Variants in MYO3B observed in about 807,000 individuals in gnomAD.
The protein encoded by MYO3B is myosin-IIIb.
Under a neutral mutation model 174.6 loss-of-function variants are expected in MYO3B, and 156 were observed. That is an observed-to-expected ratio of 0.89 (90% CI 0.78 to 1.02). The LOEUF is 1.02. Ranked by LOEUF, MYO3B falls within the 50% of genes least tolerant of loss-of-function variation. The probability of loss-of-function intolerance (pLI) is 0.00; values close to 1 mark genes in which losing one functional copy is unlikely to be tolerated. For missense variants in MYO3B, 1,632 were observed against 1,639.4 expected (o/e 1.00, Z 0.08); for synonymous variants, 563 against 569.1 (o/e 0.99, Z 0.15).
intron 32 of MYO3B, among the ~76,000 whole-genome samples, chr2:170,588,710 C>A (rs1183425737): frequency 1.3e-5 from 2 of 152,208 alleles, no homozygotes; most frequent in Non-Finnish European, 2.9e-5. Flanking sequence ...GTTATAGCAG[C>A]TTTTAAGGTC....
chr2:170,235,021 T>C (rs531739836), intron 6 of MYO3B, among the ~76,000 whole-genome samples: 6 of 152,294 alleles, frequency 3.9e-5, no homozygotes, highest in African/African-American at 1.4e-4. Context: ...TCTCATTTCA[T>C]TTGGAATGAA....
chr2:170,552,424 G>A (rs1363201350), intron 32 of MYO3B, among the ~76,000 whole-genome samples: 1 of 152,166 alleles, frequency 6.6e-6, no homozygotes, highest in Non-Finnish European at 1.5e-5. Flanking sequence ...AAAGAGACTG[G>A]TGGCATTGTG....
intron 25 of MYO3B, among the ~76,000 whole-genome samples, chr2:170,485,646 T>C (rs1434495828): frequency 6.6e-6 from 1 of 152,198 alleles, no homozygotes; most frequent in Non-Finnish European, 1.5e-5. Context: ...CTAAGATTAT[T>C]TCCAGTTGTT....
intron 32 of MYO3B, among the ~76,000 whole-genome samples, chr2:170,555,432 C>G (rs1007757793): frequency 1.3e-5 from 2 of 152,204 alleles, no homozygotes; most frequent in African/African-American, 2.4e-5. Context: ...TCCCTCCCCA[C>G]AAGCCCCTGG....
At chr2:170,474,516 C>T (rs1304223932) in intron 25 of MYO3B, among the ~76,000 whole-genome samples, 1 of 151,588 alleles carries the variant, frequency 6.6e-6, no homozygotes, top group African/African-American at 2.4e-5. Flanking sequence ...GTGGGTGGAT[C>T]ACCTGAGGTC....
At chr2:170,637,633 T>G (rs1464695105) in intron 32 of MYO3B, among the ~76,000 whole-genome samples, 2 of 152,178 alleles carry the variant, frequency 1.3e-5, no homozygotes, top group Admixed American at 1.3e-4. Flanking sequence ...CGTAACGGAT[T>G]TTTACTAATC....
intron 6 of MYO3B, 30 bp downstream of exon 6, chr2:170,217,425 G>C (rs144380985): frequency 7.0e-6 from 11 of 1,577,708 alleles, no homozygotes; most frequent in Non-Finnish European, 9.6e-6. Flanking sequence ...TTCTTTCTTT[G>C]CACTTGTTGA....
chr2:170,383,510 T>C (rs115569727), intron 11 of MYO3B, among the ~76,000 whole-genome samples, 200 bp from the exon 12 acceptor site: 1,599 of 152,220 alleles, frequency 0.011, 20 homozygotes, highest in African/African-American at 0.035. Flanking sequence ...TAGAGTGAAC[T>C]CCCTCTTACT....
chr2:170,449,295 T>C (rs1683446077), intron 23 of MYO3B, among the ~76,000 whole-genome samples: 1 of 152,206 alleles, frequency 6.6e-6, no homozygotes, highest in Non-Finnish European at 1.5e-5. Flanking sequence ...TCTCCAGTTG[T>C]GCCCTGTTAC....
chr2:170,549,881 G>C (rs1227914736), intron 32 of MYO3B, among the ~76,000 whole-genome samples: 3 of 152,280 alleles, frequency 2.0e-5, no homozygotes, highest in African/African-American at 7.2e-5. Context: ...CAAGCAGCTT[G>C]CCAGACAGCA....
At chr2:170,612,897 T>G (rs1203420298) in intron 32 of MYO3B, among the ~76,000 whole-genome samples, 1 of 152,216 alleles carries the variant, frequency 6.6e-6, no homozygotes, top group African/African-American at 2.4e-5. Context: ...ACTCAAGCAC[T>G]GTCTTTTTGA....
intron 32 of MYO3B, among the ~76,000 whole-genome samples, chr2:170,636,854 A>G (rs751873197): frequency 3.0e-4 from 45 of 149,922 alleles, no homozygotes; most frequent in Non-Finnish European, 5.8e-4. Context: ...GACCACTGAT[A>G]TGAGCCTCCT....
chr2:170,336,996 G>C (rs1208013766), intron 8 of MYO3B, among the ~76,000 whole-genome samples: 2 of 151,390 alleles, frequency 1.3e-5, no homozygotes, highest in African/African-American at 2.4e-5. Flanking sequence ...AGGGGTGGAG[G>C]GTATCTCGTT....
At chr2:170,490,028 C>CTTTTT (rs751661221) in intron 25 of MYO3B, among the ~76,000 whole-genome samples, 8 of 145,942 alleles carry the variant, frequency 5.5e-5, no homozygotes, top group South Asian at 2.1e-4. Context: ...AGTTTCTTTT[C>CTTTTT]TTTCTTTTTT....
At chr2:170,565,919 G>A (rs886197652) in intron 32 of MYO3B, among the ~76,000 whole-genome samples, 16 of 152,114 alleles carry the variant, frequency 1.1e-4, no homozygotes, top group African/African-American at 3.4e-4. Context: ...ATGGTCTCAG[G>A]CCCTACTGAG....
intron 32 of MYO3B, among the ~76,000 whole-genome samples, chr2:170,628,002 C>T (rs1696610877): frequency 6.6e-6 from 1 of 152,206 alleles, no homozygotes; most frequent in African/African-American, 2.4e-5. Context: ...GGGTCAGGGA[C>T]CCACTTGAGG....
chr2:170,368,892 A>T (rs1226973170), intron 8 of MYO3B, among the ~76,000 whole-genome samples: 1 of 152,226 alleles, frequency 6.6e-6, no homozygotes, highest in Non-Finnish European at 1.5e-5. Flanking sequence ...CTCCACTGAA[A>T]ATATTTTTCT....
chr2:170,489,631 A>AGG lies in MYO3B; in HGVS notation c.3015-8958_3015-8957dup, dbSNP rs34031126. 1.7e-3 allele frequency among the ~76,000 whole-genome samples: 166 copies of AGG among 98,638 alleles called. 1 individual carries two copies. Among genetic ancestry groups the AGG allele is most frequent in the Non-Finnish European group, 1.8e-3 (80 of 45,188 alleles). The allele number at this position is 98,638 out of a possible 152,430, so 64.7% of individuals were successfully genotyped here. ...GGTTCTCCAGAGAAACAAAACCAGT[A>AGG]GGGGTGTGTGTGTGTGTGTGTGTGT... On this transcript the variant is annotated intron_variant, in intron 25 of 34. Transcript: ENST00000408978.
At chr2:170,296,229 C>T (rs1206462938) in intron 7 of MYO3B, among the ~76,000 whole-genome samples, 1 of 152,156 alleles carries the variant, frequency 6.6e-6, no homozygotes, top group African/African-American at 2.4e-5. Context: ...GCTGAGAGAG[C>T]TGCTTTTGTC....
Sources: allele counts gnomAD v4.1 joint callset (sites outside exome capture counted in the v4.1 genomes callset), GRCh38; gene constraint gnomAD v4.1.1; transcripts MANE v1.5; gene names NCBI Gene and HGNC (gene_info 2026-07-23, HGNC 2026-07-21).